Variants in NXPH1 observed in about 807,000 individuals in gnomAD.
NXPH1 encodes neurexophilin 1, also known as neurexophilin-1.
NXPH1 carries 5 observed loss-of-function variants against 23.7 expected under a neutral mutation model. That is an observed-to-expected ratio of 0.21 (90% confidence interval 0.11 to 0.44). The LOEUF (loss-of-function observed/expected upper bound fraction) is 0.44, where lower values mean the gene tolerates loss of function less well. Among genes scored for constraint, NXPH1 ranks in the 20% least tolerant of loss-of-function variants. The probability of loss-of-function intolerance (pLI) is 0.99; values close to 1 mark genes in which losing one functional copy is unlikely to be tolerated. For missense variants in NXPH1, 324 were observed against 321.6 expected, an observed-to-expected ratio of 1.01 and a Z score of -0.06; for synonymous variants, 144 against 122.2, an observed-to-expected ratio of 1.18 and a Z score of -1.18.
At chr7:8,470,248 T>C (rs182010064) in intron 2 of NXPH1, among the ~76,000 whole-genome samples, 36 of 151,166 alleles carry the variant, frequency 2.4e-4, no homozygotes, top group African/African-American at 8.0e-4. Context: ...GAGATCTACA[T>C]TGACTATTAA....
chr7:8,443,238 C>T (rs1239440555), intron 2 of NXPH1, among the ~76,000 whole-genome samples: 1 of 152,250 alleles, frequency 6.6e-6, no homozygotes, highest in African/African-American at 2.4e-5. Flanking sequence ...TTACCACACT[C>T]AGTGGTTGCG....
intron 2 of NXPH1, among the ~76,000 whole-genome samples, chr7:8,594,836 G>A (rs1451278116): frequency 6.6e-6 from 1 of 151,986 alleles, no homozygotes; most frequent in African/African-American, 2.4e-5. Flanking sequence ...ACAAATTATT[G>A]TCTTGTGTAG....
chr7:8,598,609 G>A (rs988966336), intron 2 of NXPH1, among the ~76,000 whole-genome samples: 1 of 152,078 alleles, frequency 6.6e-6, no homozygotes, highest in African/African-American at 2.4e-5. Flanking sequence ...AGGGGGTAGG[G>A]GAAAAGAAAC....
intron 2 of NXPH1, among the ~76,000 whole-genome samples, chr7:8,542,779 TTAGATTA>T (rs1168423970): frequency 2.4e-4 from 37 of 151,664 alleles, no homozygotes; most frequent in African/African-American, 8.9e-4. Context: ...AATTATTATG[TTAGATTA>T]TGCAAAAATT....
chr7:8,714,599 A>ACTACCT (rs777922328), intron 2 of NXPH1, among the ~76,000 whole-genome samples: 29 of 152,082 alleles, frequency 1.9e-4, no homozygotes, highest in Non-Finnish European at 3.5e-4. Flanking sequence ...CACAGTATGT[A>ACTACCT]CTACCTGGTT....
chr7:8,495,267 C>T (rs1038501224), intron 2 of NXPH1, among the ~76,000 whole-genome samples: 5 of 151,800 alleles, frequency 3.3e-5, no homozygotes, highest in African/African-American at 4.8e-5. Context: ...CAGAAAACCT[C>T]ATACTTTGCT....
At chr7:8,739,191 A>AC (rs1562470998) in intron 2 of NXPH1, among the ~76,000 whole-genome samples, 3 of 150,298 alleles carry the variant, frequency 2.0e-5, no homozygotes, top group South Asian at 2.1e-4. Flanking sequence ...AAAAAAAAAA[A>AC]AAAAAAAAAA....
intron 2 of NXPH1, among the ~76,000 whole-genome samples, chr7:8,509,357 C>T (rs529729900): frequency 6.6e-6 from 1 of 152,212 alleles, no homozygotes; most frequent in South Asian, 2.1e-4. Context: ...CTAGGATAAA[C>T]ACCTTGCTTT....
chr7:8,730,892 TG>T (rs1780141112), intron 2 of NXPH1, among the ~76,000 whole-genome samples: 2 of 151,378 alleles, frequency 1.3e-5, no homozygotes, highest in Admixed American at 6.6e-5. Flanking sequence ...TGGCCTGCCT[TG>T]CTAGATTGGG....
chr7:8,618,847 T>C (rs1436598543), intron 2 of NXPH1, among the ~76,000 whole-genome samples: 1 of 152,186 alleles, frequency 6.6e-6, no homozygotes, highest in Non-Finnish European at 1.5e-5. Flanking sequence ...CTAAACACAC[T>C]CTACAGAATT....
At position 8,751,039 on chromosome 7, in the gene NXPH1, A is replaced by C. The variant is rs1243833865; in HGVS notation, c.86A>C (p.Lys29Thr). ...VTCANLTNGG[K>T]SELLKSGSSK... ...TGTGCCAATTTAACGAACGGTGGAA[A>C]GTCAGAACTTCTGAAATCAGGAAGC... is the stretch of plus-strand genomic sequence containing the variant. The change falls in exon 3 of 3, where the codon AAG becomes ACG. Residue 29 changes from lysine (K) to threonine (T), a missense_variant. Lys to Thr is a moderately conservative substitution (Grantham distance 78). Coordinates refer to ENST00000405863, the MANE Select transcript of NXPH1 (RefSeq NM_152745.3). This position sits in a 1 kb window ranked among gnomAD's most constrained non-coding sequence, Gnocchi z 4.5. The C allele has an allele frequency of 6.2e-7, 1 of 1,613,816 alleles. No individual in the cohort carries two copies. The highest frequency in any genetic ancestry group is 8.5e-7 in the Non-Finnish European group (1 of 1,179,738).
At chr7:8,620,939 C>A (rs912702741) in intron 2 of NXPH1, among the ~76,000 whole-genome samples, 3 of 152,124 alleles carry the variant, frequency 2.0e-5, no homozygotes, top group Non-Finnish European at 4.4e-5. Context: ...AATAAAAACG[C>A]TCTCTCTATA....
chr7:8,544,927 G>A (rs1818176870), intron 2 of NXPH1, among the ~76,000 whole-genome samples: 1 of 151,550 alleles, frequency 6.6e-6, no homozygotes, highest in African/African-American at 2.4e-5. Flanking sequence ...GATTGCAGAA[G>A]CTTAGGGAAG....
At chr7:8,637,545 C>A (rs1253631913) in intron 2 of NXPH1, among the ~76,000 whole-genome samples, 1 of 152,116 alleles carries the variant, frequency 6.6e-6, no homozygotes, top group African/African-American at 2.4e-5. Context: ...CTCTTATTTC[C>A]TGTTCTGGTC....
At chr7:8,728,345 A>G (rs1271083947) in intron 2 of NXPH1, among the ~76,000 whole-genome samples, 2 of 151,922 alleles carry the variant, frequency 1.3e-5, no homozygotes, top group Non-Finnish European at 2.9e-5. Flanking sequence ...TCTCCTGCCT[A>G]ATTGCCCTGG....
At chr7:8,681,971 C>A (rs1022000240) in intron 2 of NXPH1, among the ~76,000 whole-genome samples, 10 of 152,028 alleles carry the variant, frequency 6.6e-5, no homozygotes, top group Non-Finnish European at 1.0e-4. Flanking sequence ...GTCCTCAGGG[C>A]AATTATCAGG....
intron 2 of NXPH1, among the ~76,000 whole-genome samples, chr7:8,623,684 T>TATTTTTTTTTTTTTC (rs879750283): frequency 6.7e-6 from 1 of 150,348 alleles, no homozygotes; most frequent in African/African-American, 2.5e-5. Context: ...AAGTTCTTAT[T>TATTTTTTTTTTTTTC]TTTAAGAGAT....
At chr7:8,465,517 G>C (rs1816773243) in intron 2 of NXPH1, among the ~76,000 whole-genome samples, 1 of 152,116 alleles carries the variant, frequency 6.6e-6, no homozygotes, top group African/African-American at 2.4e-5. Context: ...GTAGATAGAT[G>C]AGCTCTCATT....
At chr7:8,532,468 T>TTGGGG (rs796667727) in intron 2 of NXPH1, among the ~76,000 whole-genome samples, 5 of 20,812 alleles carry the variant, frequency 2.4e-4, no homozygotes, top group African/African-American at 3.4e-4. Context: ...ATATTTTTTT[T>TTGGGG]GGGGGGGGGG....
Sources: gnomAD v4.1 joint callset for allele counts (sites outside exome capture counted in the v4.1 genomes callset) on GRCh38, gnomAD v4.1.1 for gene constraint, Gnocchi (gnomAD v3.1) non-coding constraint, MANE v1.5 for transcripts, NCBI Gene and HGNC (gene_info 2026-07-23, HGNC 2026-07-21) for gene names.